SPAG16: variants seen among roughly 807,000 people sequenced by gnomAD.
SPAG16 encodes the protein sperm-associated antigen 16 protein.
A neutral mutation model predicts 80.4 loss-of-function variants in SPAG16; 86 were observed. The observed-to-expected ratio is 1.07, with a 90% CI of 0.90 to 1.28. The LOEUF (loss-of-function observed/expected upper bound fraction) is 1.28, where lower values mean the gene tolerates loss of function less well. SPAG16 is among the 50% of genes most tolerant of loss of function. SPAG16 has a pLI of 0.00. For synonymous variants in SPAG16, 294 were observed against 265.9 expected (o/e 1.11, Z -1.03); for missense variants, 870 against 765.3 (o/e 1.14, Z -1.61).
At chr2:214,059,190 A>C (rs1357088034) in intron 13 of SPAG16, among the ~76,000 whole-genome samples, 339 of 26,594 alleles carry the variant, frequency 0.013, 3 homozygotes, top group African/African-American at 0.043. Context: ...CTCTGTCTAT[A>C]TATATATATA....
chr2:214,356,472 A>C (rs1698811357), intron 15 of SPAG16, among the ~76,000 whole-genome samples: 1 of 152,002 alleles, frequency 6.6e-6, no homozygotes, highest in Non-Finnish European at 1.5e-5. Context: ...GGTGTCTGTC[A>C]AAGAACAAAA....
intron 10 of SPAG16, among the ~76,000 whole-genome samples, chr2:213,655,504 A>T (rs532614250): frequency 4.6e-5 from 7 of 152,260 alleles, no homozygotes; most frequent in African/African-American, 1.7e-4. Context: ...ATTGATTTAC[A>T]TATGTATAAC....
intron 15 of SPAG16, among the ~76,000 whole-genome samples, chr2:214,265,882 A>G (rs1342393595): frequency 6.6e-6 from 1 of 151,954 alleles, no homozygotes. Context: ...GTCCCTCCCA[A>G]CCAATCACTG....
chr2:213,397,265 T>A (rs927962684), intron 9 of SPAG16, among the ~76,000 whole-genome samples: 1 of 152,216 alleles, frequency 6.6e-6, no homozygotes, highest in Non-Finnish European at 1.5e-5. Flanking sequence ...TAAGCCAGTA[T>A]GAGAGAGCAA....
intron 12 of SPAG16, among the ~76,000 whole-genome samples, chr2:213,948,460 TCTCA>T (rs926023448): frequency 4.6e-5 from 7 of 152,226 alleles, no homozygotes; most frequent in Admixed American, 2.6e-4. Context: ...AAATTCTCTC[TCTCA>T]CTCTCTAATT....
rs150534700 is a variant in SPAG16 at position 213,747,708 on chromosome 2, A to G, written c.1071-114777A>G. Among the ~76,000 whole-genome samples, 756 of 152,336 alleles carry G rather than the reference A, an allele frequency of 5.0e-3. 6 individuals carry two copies. Among genetic ancestry groups the G allele is most frequent in the South Asian group, 0.036 (172 of 4,834 alleles). On this transcript the variant is annotated intron_variant, in intron 10 of 15. Coordinates refer to ENST00000331683, the MANE Select transcript of SPAG16 (RefSeq NM_024532.5). The stretch of plus-strand genomic sequence containing the variant: ...AGGTGTGGGGTAGGCCCTGCTATCT[A>G]GGTTTGTATAAGTACACTCAATGAT...
At chr2:213,440,255 A>T (rs2070861763) in intron 9 of SPAG16, among the ~76,000 whole-genome samples, 1 of 152,174 alleles carries the variant, frequency 6.6e-6, no homozygotes, top group Non-Finnish European at 1.5e-5. Flanking sequence ...AATACAGGAA[A>T]ATAGACAATG....
At chr2:213,641,296 A>G (rs1228033040) in intron 10 of SPAG16, among the ~76,000 whole-genome samples, 1 of 152,220 alleles carries the variant, frequency 6.6e-6, no homozygotes, top group African/African-American at 2.4e-5. Context: ...GTGCTCTGTC[A>G]ACAACAAACA....
At chr2:214,228,404 T>G (rs1032495512) in intron 15 of SPAG16, among the ~76,000 whole-genome samples, 2 of 151,938 alleles carry the variant, frequency 1.3e-5, no homozygotes, top group African/African-American at 4.8e-5. Flanking sequence ...ATAGGAAATA[T>G]TTTACCTCAT....
intron 12 of SPAG16, among the ~76,000 whole-genome samples, chr2:213,992,065 T>G (rs931262463): frequency 6.6e-6 from 1 of 152,072 alleles, no homozygotes; most frequent in African/African-American, 2.4e-5. Flanking sequence ...TGTTAATATA[T>G]TTTACAATTT....
rs1432736027 is a variant in SPAG16 at position 214,355,991 on chromosome 2, G to A, written c.1721-54149G>A. On this transcript the variant is annotated intron_variant, in intron 15 of 15. Coordinates refer to ENST00000331683, the MANE Select transcript of SPAG16 (RefSeq NM_024532.5). The stretch of plus-strand genomic sequence containing the variant: ...TAACAATGAGAACACATGGACACAG[G>A]AAGGGGAACATTACACTCTGGGGAC... Among the ~76,000 whole-genome samples the A allele has an allele frequency of 3.0e-5, 4 of 132,846 alleles. No homozygotes were observed. The East Asian group carries it at 9.4e-4, about 31-fold the overall frequency. The allele number at this position is 132,846 out of a possible 152,430, so 87.2% of individuals were successfully genotyped here.
intron 6 of SPAG16, among the ~76,000 whole-genome samples, chr2:213,344,522 C>G (rs1029726074): frequency 6.6e-6 from 1 of 152,100 alleles, no homozygotes; most frequent in African/African-American, 2.4e-5. Flanking sequence ...AATGCTATCC[C>G]TCTCCACTTC....
At chr2:213,678,111 TC>T (rs1451037921) in intron 10 of SPAG16, among the ~76,000 whole-genome samples, 1 of 152,016 alleles carries the variant, frequency 6.6e-6, no homozygotes, top group Non-Finnish European at 1.5e-5. Context: ...TGGGACACAT[TC>T]AAAGCAGTGT....
intron 10 of SPAG16, among the ~76,000 whole-genome samples, chr2:213,491,268 A>G (rs1388103291): frequency 2.0e-5 from 3 of 152,168 alleles, no homozygotes; most frequent in Non-Finnish European, 4.4e-5. Flanking sequence ...TTTTTCTTAT[A>G]TGTCTATCGT....
In SPAG16 at chr2:213,872,648, A is replaced by T. The variant is rs2075998155; in HGVS notation, c.1214+10020A>T. Among the ~76,000 whole-genome samples, 5 of 152,084 alleles carry T rather than the reference A, an allele frequency of 3.3e-5. 1 individual carries two copies. The South Asian group carries it at 1.0e-3, about 32-fold the overall frequency. On this transcript the variant is annotated intron_variant, in intron 11 of 15. Coordinates refer to ENST00000331683, the MANE Select transcript of SPAG16 (RefSeq NM_024532.5). ...TGTTGAAAAGAAGTGACAAATGAAG[A>T]CATCCTTGTCTTATTTTTGATTTTA...
chr2:213,973,844 A>G (rs996908420), intron 12 of SPAG16, among the ~76,000 whole-genome samples: 7 of 152,120 alleles, frequency 4.6e-5, no homozygotes, highest in African/African-American at 1.7e-4. Flanking sequence ...AATGGAATTA[A>G]TAAGTAAACC....
intron 10 of SPAG16, among the ~76,000 whole-genome samples, chr2:213,819,937 T>C (rs1430163466): frequency 7.7e-6 from 1 of 130,510 alleles, no homozygotes; most frequent in African/African-American, 2.6e-5. Flanking sequence ...TTCTAATTTT[T>C]CGTGTTTTTT....
At chr2:213,491,281 G>A (rs974541958) in intron 10 of SPAG16, among the ~76,000 whole-genome samples, 1 of 152,072 alleles carries the variant, frequency 6.6e-6, no homozygotes, top group Admixed American at 6.6e-5. Flanking sequence ...TCTATCGTTT[G>A]GAATTCTACA....
At chr2:213,678,016 C>CT (rs1175786316) in intron 10 of SPAG16, among the ~76,000 whole-genome samples, 9 of 152,070 alleles carry the variant, frequency 5.9e-5, no homozygotes, top group African/African-American at 2.2e-4. Context: ...TCCTGAATGA[C>CT]TACTGGGTAC....
Sources: gnomAD v4.1 joint callset for allele counts (sites outside exome capture counted in the v4.1 genomes callset) on GRCh38, gnomAD v4.1.1 for gene constraint, MANE v1.5 for transcripts, NCBI Gene and HGNC (gene_info 2026-07-23, HGNC 2026-07-21) for gene names.